Variants in SYNM observed in about 807,000 individuals in gnomAD.
The protein encoded by SYNM is desmuslin.
In SYNM, 95 loss-of-function variants were observed where a neutral mutation model predicts 104.0. The observed-to-expected ratio is 0.91, with a 90% CI of 0.77 to 1.08. The LOEUF (loss-of-function observed/expected upper bound fraction) is 1.08, where lower values mean the gene tolerates loss of function less well. Ranked by LOEUF, SYNM falls within the 50% of genes least tolerant of loss-of-function variation. The probability of loss-of-function intolerance (pLI) is 0.00; values close to 1 mark genes in which losing one functional copy is unlikely to be tolerated. For synonymous variants in SYNM, 918 were observed against 869.0 expected, an observed-to-expected ratio of 1.06 and a Z score of -0.99; for missense variants, 2,150 against 2,052.2, an observed-to-expected ratio of 1.05 and a Z score of -0.92.
At chr15:99,118,639 AATAAT>A (rs1250037488) in intron 2 of SYNM, among the ~76,000 whole-genome samples, 1 of 152,228 alleles carries the variant, frequency 6.6e-6, no homozygotes. Flanking sequence ...GTAATCATAA[AATAAT>A]ATAATTGTAT....
chr15:99,106,852 T>C (rs548902915), intron 1 of SYNM, among the ~76,000 whole-genome samples: 1 of 152,248 alleles, frequency 6.6e-6, no homozygotes, highest in Non-Finnish European at 1.5e-5. Context: ...ACACTATCAG[T>C]AGTTCTCAAA....
chr15:99,131,517 G>A lies in SYNM; in HGVS notation c.3157G>A (p.Glu1053Lys), dbSNP rs267604399. The change falls in exon 4 of 4, where the codon GAA becomes AAA. Residue 1053 changes from glutamate (E) to lysine (K), a missense_variant. By Grantham distance (56) the Glu-to-Lys change is moderately conservative. Transcript: ENST00000336292. This position sits in a 1 kb window ranked among gnomAD's most constrained non-coding sequence, Gnocchi z 4.3. The part of the protein sequence containing the change: ...RSPAPGSPDE[E>K]GGAEAPAAGI... ...CCCAGCGCCTGGCAGCCCAGATGAG[G>A]AAGGTGGAGCGGAGGCCCCGGCTGC... 6.2e-7 allele frequency: 1 copy of A among 1,607,538 alleles called. No homozygotes were observed. The highest frequency in any genetic ancestry group is 8.5e-7 in the Non-Finnish European group (1 of 1,179,680).
At position 99,105,236 on chromosome 15, in the gene SYNM, G is replaced by A. The variant is rs1555482315; in HGVS notation, c.37G>A (p.Ala13Thr). 1.9e-6 allele frequency: 3 copies of A among 1,573,948 alleles called. No individual in the cohort carries two copies. Among genetic ancestry groups the A allele is most frequent in the Non-Finnish European group, 8.6e-7 (1 of 1,160,978 alleles). Residue 13 changes from alanine to threonine, a missense_variant, in exon 1 of 4, where the codon GCC becomes ACC. Transcript: ENST00000336292. ...GCGGCTGCAGACGGGCCCCGAGAAGGCCGAGCTCCAGGAGCTCAACGCCCG... is the reference window on the plus strand; with the variant it reads ...GCGGCTGCAGACGGGCCCCGAGAAGACCGAGCTCCAGGAGCTCAACGCCCG... The part of the protein sequence containing the change: ...SWRLQTGPEK[A>T]ELQELNARLY...
At chr15:99,112,791 A>G (rs1555483534) in intron 1 of SYNM, among the ~76,000 whole-genome samples, 1 of 152,098 alleles carries the variant, frequency 6.6e-6, no homozygotes, top group South Asian at 2.1e-4. Context: ...GCTCACTGCA[A>G]CCTCCGCCTA....
Position 99,132,521 on chromosome 15 carries a change from C to A in SYNM, c.4161C>A (p.Asp1387Glu). The change falls in exon 4 of 4, where the codon GAC becomes GAA. Residue 1387 changes from aspartate (D) to glutamate (E), a missense_variant. Coordinates refer to ENST00000336292, the MANE Select transcript of SYNM (RefSeq NM_145728.3). Reference sequence around the variant, plus strand: ...CTCCCCAGGAGGATAGTGCAGAGGACACATCAGGGGCAGAAATGACATCGG... The same window carrying A: ...CTCCCCAGGAGGATAGTGCAGAGGAAACATCAGGGGCAGAAATGACATCGG... The part of the protein sequence containing the change: ...SESPQEDSAE[D>E]TSGAEMTSGV... 1 of 1,614,006 alleles carries A rather than the reference C, an allele frequency of 6.2e-7. No individual in the cohort carries two copies. Among genetic ancestry groups the A allele is most frequent in the Non-Finnish European group, 8.5e-7 (1 of 1,179,886 alleles).
rs1331933966 is a variant in SYNM, at chr15:99,131,496, G to C, written c.3136G>C (p.Ala1046Pro). The C allele has an allele frequency of 6.2e-7, 1 of 1,606,338 alleles. No individual in the cohort carries two copies. Among genetic ancestry groups the C allele is most frequent in the Non-Finnish European group, 8.5e-7 (1 of 1,179,514 alleles). Residue 1046 changes from alanine (A) to proline (P), a missense_variant, in exon 4 of 4, where the codon GCG becomes CCG. By Grantham distance (27) the Ala-to-Pro change is conservative. Coordinates refer to ENST00000336292, the MANE Select transcript of SYNM (RefSeq NM_145728.3). The surrounding 1 kb of genome is among the most constrained non-coding windows in gnomAD (Gnocchi z 4.3). ...RESLSRQRSPAPGSPDEEGGA... is the reference protein window; with the variant it reads ...RESLSRQRSPPPGSPDEEGGA... Reference sequence around the variant, plus strand: ...GAGCCTGAGCAGGCAACGCAGCCCAGCGCCTGGCAGCCCAGATGAGGAAGG... The same window carrying C: ...GAGCCTGAGCAGGCAACGCAGCCCACCGCCTGGCAGCCCAGATGAGGAAGG...
intron 2 of SYNM, among the ~76,000 whole-genome samples, chr15:99,121,850 C>T (rs1394365972): frequency 2.6e-5 from 4 of 152,174 alleles, no homozygotes; most frequent in East Asian, 1.9e-4. Flanking sequence ...AAACAGTGTG[C>T]GTGACATGAG....
At chr15:99,137,919 G>A (rs1596152693), downstream of SYNM, 2 of 1,568,130 alleles carry the variant, frequency 1.3e-6, no homozygotes, top group Admixed American at 3.5e-5. Context: ...TATCCTGACT[G>A]TTGAATTCCA....
Position 99,105,773 on chromosome 15 carries a change from G to A in SYNM, c.574G>A (p.Ala192Thr). ...EVHDSYALLVAESWRETVQLY... is the reference protein window; with the variant it reads ...EVHDSYALLVTESWRETVQLY... ...GCACGACAGCTACGCACTGCTGGTG[G>A]CCGAGTCGTGGCGGGAGACGGTGCA... The change falls in exon 1 of 4, where the codon GCC (alanine) becomes ACC (threonine). Residue 192 changes from alanine (A) to threonine (T), a missense_variant. Ala to Thr is a moderately conservative substitution (Grantham distance 58). Coordinates refer to ENST00000336292, the MANE Select transcript of SYNM (RefSeq NM_145728.3). The A allele has an allele frequency of 6.5e-7, 1 of 1,541,830 alleles. No individual in the cohort carries two copies. The highest frequency in any genetic ancestry group is 2.0e-5 in the Admixed American group (1 of 50,756).
chr15:99,129,865 T>G lies in SYNM; in HGVS notation c.1505T>G (p.Val502Gly). The stretch of plus-strand genomic sequence containing the variant: ...GTCATTCTGGGAAAGAAAACAGAAG[T>G]GAAAGCCACGAGGGAGCAAGAAAGA... ...RTVILGKKTE[V>G]KATREQERNR... is the part of the protein sequence containing the mutation. Residue 502 changes from valine to glycine, a missense_variant, in exon 4 of 4, where the codon GTG (valine) becomes GGG (glycine). Physicochemically the swap from Val to Gly is moderately radical, Grantham distance 109 (BLOSUM62 -3). Coordinates refer to ENST00000336292, the MANE Select transcript of SYNM (RefSeq NM_145728.3). 3.1e-6 allele frequency: 5 copies of G among 1,612,192 alleles called. No individual in the cohort carries two copies. The highest frequency in any genetic ancestry group is 4.2e-6 in the Non-Finnish European group (5 of 1,179,418).
At chr15:99,108,218 A>G (rs2067267900) in intron 1 of SYNM, among the ~76,000 whole-genome samples, 1 of 151,738 alleles carries the variant, frequency 6.6e-6, no homozygotes, top group Non-Finnish European at 1.5e-5. Flanking sequence ...CAAGTGATCC[A>G]CCGGCCGTGG....
intron 2 of SYNM, among the ~76,000 whole-genome samples, chr15:99,117,259 C>T (rs139559809): frequency 1.2e-4 from 18 of 152,286 alleles, no homozygotes; most frequent in Non-Finnish European, 1.3e-4. Context: ...GGGTGGGGCC[C>T]GAACAGCTCC....
In SYNM at chr15:99,131,330, G is replaced by A. The variant is rs782137542; in HGVS notation, c.2970G>A (p.Gln990=). 1 of 1,613,360 alleles carries A rather than the reference G, an allele frequency of 6.2e-7. No homozygotes were observed. Among genetic ancestry groups the A allele is most frequent in the Non-Finnish European group, 8.5e-7 (1 of 1,179,738 alleles). ...TTTCCGTGGATGTCAAGAAGGTCCA[G>A]GGTGCTGGTGGCAGTTCCGTGACCC... ...GSVSVDVKKV[Q]GAGGSSVTLV... Residue 990 remains glutamine (Q), a synonymous_variant, in exon 4 of 4, where the codon CAG becomes CAA. Coordinates refer to ENST00000336292, the MANE Select transcript of SYNM (RefSeq NM_145728.3). The surrounding 1 kb of genome is among the most constrained non-coding windows in gnomAD (Gnocchi z 4.3).
chr15:99,118,020 G>A (rs1229691340), intron 2 of SYNM, among the ~76,000 whole-genome samples: 1 of 152,202 alleles, frequency 6.6e-6, no homozygotes, highest in Non-Finnish European at 1.5e-5. Flanking sequence ...TTTGCATGGG[G>A]AAAATGAGGA....
chr15:99,105,177 G>A lies in SYNM; in HGVS notation c.-23G>A, dbSNP rs1254576228. The A allele has an allele frequency of 1.1e-5, 18 of 1,566,302 alleles. No homozygotes were observed. Among genetic ancestry groups the A allele is most frequent in the Non-Finnish European group, 1.6e-5 (18 of 1,160,810 alleles). Reference sequence around the variant, plus strand: ...GGGCAGGAGGGAGCCGGCCAGCCGCGAGAACCCCGCACGCCCGGCAAGATG... The same window carrying A: ...GGGCAGGAGGGAGCCGGCCAGCCGCAAGAACCCCGCACGCCCGGCAAGATG... On this transcript the variant is annotated 5_prime_UTR_variant, in exon 1 of 4. Coordinates refer to ENST00000336292, the MANE Select transcript of SYNM (RefSeq NM_145728.3).
At position 99,133,388 on chromosome 15, in the gene SYNM, A is replaced by G. The variant is rs2067533702; in HGVS notation, c.*330A>G. 1.1e-5 allele frequency: 3 copies of G among 284,728 alleles called. No individual in the cohort carries two copies. The highest frequency in any genetic ancestry group is 2.0e-5 in the Non-Finnish European group (3 of 152,386). 17.6% of individuals were successfully genotyped at this position (284,728 alleles called of 1,614,324 possible). ...TGGCTTGCATCTGTTTGAAACTACA[A>G]TTAATTATAGATGTCAAAACATTAA... On this transcript the variant is annotated 3_prime_UTR_variant, in exon 4 of 4. Transcript: ENST00000336292.
downstream of SYNM, chr15:99,139,756 T>A (rs1256574128): frequency 1.5e-6 from 2 of 1,314,894 alleles, no homozygotes; most frequent in Non-Finnish European, 1.0e-6. Flanking sequence ...TGGAAAAGAT[T>A]TAAAAAAATA....
At chr15:99,122,764 A>G (rs2067412839) in intron 2 of SYNM, among the ~76,000 whole-genome samples, 1 of 152,218 alleles carries the variant, frequency 6.6e-6, no homozygotes, top group South Asian at 2.1e-4. Flanking sequence ...ACCTAAGCCC[A>G]GGAGGCAGAG....
rs994079469 is a variant in SYNM, at chr15:99,127,114, G to A, written c.1006+322G>A. On this transcript the variant is annotated intron_variant, in intron 3 of 3. Coordinates refer to ENST00000336292, the MANE Select transcript of SYNM (RefSeq NM_145728.3). ...ACTTGTGTTTCACACCCCTGGAAGG[G>A]ACACTCCTTCCATTTCCAGACCAAG... is the stretch of plus-strand genomic sequence containing the variant. Among the ~76,000 whole-genome samples, 3 of 152,212 alleles carry A rather than the reference G, an allele frequency of 2.0e-5. No homozygotes were observed. The East Asian group carries it at 5.8e-4, about 29-fold the overall frequency.
Sources: gnomAD v4.1 joint callset for allele counts (sites outside exome capture counted in the v4.1 genomes callset) on GRCh38, gnomAD v4.1.1 for gene constraint, Gnocchi (gnomAD v3.1) non-coding constraint, MANE v1.5 for transcripts, NCBI Gene and HGNC (gene_info 2026-07-23, HGNC 2026-07-21) for gene names.